ZNF410: variants seen among roughly 807,000 people sequenced by gnomAD.
ZNF410 encodes the protein zinc finger protein 410.
A neutral mutation model predicts 54.8 loss-of-function variants in ZNF410; 18 were observed. The ratio of observed to expected loss-of-function variants is 0.33; its 90% CI spans 0.23 to 0.49. The LOEUF is 0.49. Among genes scored for constraint, ZNF410 ranks in the 20% least tolerant of loss-of-function variants. ZNF410 has a pLI of 0.99. For synonymous variants in ZNF410, 191 were observed against 207.3 expected (o/e 0.92, Z 0.68); for missense variants, 405 against 569.6 (o/e 0.71, Z 2.94).
intron 5 of ZNF410, chr14:73,898,580 T>C (rs909299344): frequency 2.6e-5 from 12 of 456,146 alleles, no homozygotes; most frequent in Admixed American, 1.1e-4. Flanking sequence ...ATAAATTCTG[T>C]GTAAACTTCA....
intron 7 of ZNF410, among the ~76,000 whole-genome samples, chr14:73,906,830 T>C (rs920053920): frequency 6.6e-6 from 1 of 152,272 alleles, no homozygotes; most frequent in African/African-American, 2.4e-5. Context: ...TGTTTTTTTT[T>C]CTCTAATTCT....
Position 73,932,455 on chromosome 14 carries a change from C to T in ZNF410, c.*914C>T. 2 of 454,040 alleles carry T rather than the reference C, an allele frequency of 4.4e-6. No individual in the cohort carries two copies. Among genetic ancestry groups the T allele is most frequent in the Non-Finnish European group, 8.8e-6 (2 of 226,638 alleles). 28.1% of individuals were successfully genotyped at this position (454,040 alleles called of 1,614,324 possible). A position where few individuals can be genotyped will look rare whatever the true frequency, so the allele number is the denominator to read the frequency against. ...TTCTTAAGCCCAGGTGATAGTTACT[C>T]TGTCACCACCAAAAAAGACGCATCT... On this transcript the variant is annotated 3_prime_UTR_variant, in exon 12 of 12. Transcript: ENST00000555044.
intron 7 of ZNF410, among the ~76,000 whole-genome samples, chr14:73,907,587 T>A (rs1252144545): frequency 3.4e-5 from 5 of 146,686 alleles, no homozygotes; most frequent in African/African-American, 5.1e-5. Flanking sequence ...AGAGCGAGAC[T>A]CCATCTCAAA....
intron 8 of ZNF410, among the ~76,000 whole-genome samples, chr14:73,910,438 A>G (rs1008527939): frequency 8.5e-5 from 13 of 152,116 alleles, no homozygotes; most frequent in African/African-American, 2.4e-5. Context: ...TTGATGAATA[A>G]TCAATAATCA....
At chr14:73,891,910 ATTCTT>A in intron 1 of ZNF410, 112 bp from the exon 2 acceptor site, 2 of 607,352 alleles carry the variant, frequency 3.3e-6, no homozygotes, top group Non-Finnish European at 5.8e-6. Context: ...TTCGGTTTGA[ATTCTT>A]TATTTGCTTG....
At chr14:73,897,681 G>A (rs1016083046) in intron 4 of ZNF410, among the ~76,000 whole-genome samples, 2 of 152,044 alleles carry the variant, frequency 1.3e-5, no homozygotes, top group Non-Finnish European at 2.9e-5. Flanking sequence ...TTAGGACATG[G>A]AGAGTTTCTG....
intron 7 of ZNF410, among the ~76,000 whole-genome samples, chr14:73,908,872 C>T (rs574577783): frequency 2.6e-5 from 4 of 152,288 alleles, no homozygotes; most frequent in Admixed American, 2.6e-4. Flanking sequence ...GGGTCTCTCT[C>T]TCTGTAGCCC....
At chr14:73,891,665 A>G (rs1049331602) in intron 1 of ZNF410, among the ~76,000 whole-genome samples, 1 of 152,080 alleles carries the variant, frequency 6.6e-6, no homozygotes, top group South Asian at 2.1e-4. Context: ...TTCACAGCAT[A>G]TTTTGAAGTG....
chr14:73,929,594 T>C (rs960727749), intron 11 of ZNF410, among the ~76,000 whole-genome samples: 73 of 152,206 alleles, frequency 4.8e-4, no homozygotes, highest in African/African-American at 1.7e-3. Flanking sequence ...GCTAGCACTT[T>C]GGGAGGCTGG....
At chr14:73,896,602 C>G (rs2302138) in intron 4 of ZNF410, 68 bp downstream of exon 4, 17 of 1,190,220 alleles carry the variant, frequency 1.4e-5, no homozygotes, top group Non-Finnish European at 2.1e-5. Flanking sequence ...GCATATTTAA[C>G]TTAGTCATAC....
At chr14:73,918,391 C>T (rs1343961601) in intron 8 of ZNF410, among the ~76,000 whole-genome samples, 3 of 152,202 alleles carry the variant, frequency 2.0e-5, no homozygotes, top group Admixed American at 6.5e-5. Flanking sequence ...TGAGCCACTG[C>T]GCCTGGCCTG....
At chr14:73,917,116 CAG>C (rs1260114081) in intron 8 of ZNF410, among the ~76,000 whole-genome samples, 1 of 152,046 alleles carries the variant, frequency 6.6e-6, no homozygotes, top group African/African-American at 2.4e-5. Flanking sequence ...AAACAATTTT[CAG>C]GGGATTTTTT....
At chr14:73,912,379 C>G (rs1257195685) in intron 8 of ZNF410, among the ~76,000 whole-genome samples, 2 of 152,062 alleles carry the variant, frequency 1.3e-5, no homozygotes, top group Non-Finnish European at 2.9e-5. Flanking sequence ...TGTGGCCAGG[C>G]TGGTCTTGAA....
intron 1 of ZNF410, chr14:73,887,481 A>G (rs2055162150): frequency 6.6e-6 from 1 of 152,086 alleles, no homozygotes; most frequent in African/African-American, 2.4e-5. Flanking sequence ...GCCTTCATAC[A>G]TTTCGTGTCG....
intron 8 of ZNF410, among the ~76,000 whole-genome samples, chr14:73,911,279 G>C (rs754406478): frequency 6.6e-6 from 1 of 152,260 alleles, no homozygotes; most frequent in African/African-American, 2.4e-5. Flanking sequence ...AAGGAGGAGA[G>C]GGATTCTAGA....
Position 73,932,008 on chromosome 14 carries a change from C to G in ZNF410, c.*467C>G, listed in dbSNP as rs1330752801. The G allele has an allele frequency of 4.4e-6, 2 of 456,400 alleles. No individual in the cohort carries two copies. Among genetic ancestry groups the G allele is most frequent in the East Asian group, 1.4e-4 (2 of 14,408 alleles). 28.3% of individuals were successfully genotyped at this position (456,400 alleles called of 1,614,324 possible). A position where few individuals can be genotyped will look rare whatever the true frequency, so the allele number is the denominator to read the frequency against. The stretch of plus-strand genomic sequence containing the variant: ...GTTGCTTTGAAGAAGGGAGTGATGT[C>G]AATTCTCTTGTTACATTCTCCCTTT... On this transcript the variant is annotated 3_prime_UTR_variant, in exon 12 of 12. Coordinates refer to ENST00000555044, the MANE Select transcript of ZNF410 (RefSeq NM_021188.3).
intron 7 of ZNF410, among the ~76,000 whole-genome samples, chr14:73,905,876 AAAAAT>A (rs538436987): frequency 7.0e-4 from 106 of 151,284 alleles, no homozygotes; most frequent in Middle Eastern, 6.9e-3. Flanking sequence ...TATAAAATAT[AAAAAT>A]AAAAGGCATA....
intron 7 of ZNF410, among the ~76,000 whole-genome samples, chr14:73,905,940 T>TACACACAC (rs2055477225): frequency 1.1e-5 from 1 of 91,914 alleles, no homozygotes; most frequent in African/African-American, 6.6e-5. Flanking sequence ...TACATACATA[T>TACACACAC]ATATACACAC....
At chr14:73,907,880 C>T (rs915225728) in intron 7 of ZNF410, among the ~76,000 whole-genome samples, 19 of 146,508 alleles carry the variant, frequency 1.3e-4, no homozygotes, top group African/African-American at 3.6e-4. Flanking sequence ...GCAACAAGAG[C>T]GAAACTCTGT....
Sources: allele counts gnomAD v4.1 joint callset (sites outside exome capture counted in the v4.1 genomes callset), GRCh38; gene constraint gnomAD v4.1.1; transcripts MANE v1.5; gene names NCBI Gene and HGNC (gene_info 2026-07-23, HGNC 2026-07-21).